Variants in RGS5 observed in about 807,000 individuals in gnomAD.
RGS5 encodes the protein regulator of G-protein signalling 5.
In RGS5, 20 loss-of-function variants were observed where a neutral mutation model predicts 18.9. The observed-to-expected ratio is 1.06, with a 90% CI of 0.74 to 1.54. RGS5 has a LOEUF of 1.54. Among genes scored for constraint, RGS5 ranks in the 40% most tolerant of loss-of-function variants. The pLI is 0.00. For synonymous variants in RGS5, 57 were observed against 76.2 expected (o/e 0.75, Z 1.31); for missense variants, 201 against 211.8 (o/e 0.95, Z 0.32).
intron 3 of RGS5, among the ~76,000 whole-genome samples, chr1:163,153,135 G>A (rs1310218721): frequency 6.6e-6 from 1 of 152,178 alleles, no homozygotes; most frequent in Non-Finnish European, 1.5e-5. Context: ...GTCTATGCAA[G>A]TAATGTTAAT....
chr1:163,142,946 G>A lies in RGS5; in HGVS notation c.*4396C>T, dbSNP rs1223624712. On this transcript the variant is annotated 3_prime_UTR_variant, in exon 5 of 5. Coordinates refer to ENST00000313961, the MANE Select transcript of RGS5 (RefSeq NM_003617.4). ...AAATAATAAGATGTATTATTAAAAC[G>A]TGAGTTGAGAATAATATTCCAAATG... 6.6e-6 allele frequency: 1 copy of A among 152,180 alleles called. No homozygotes were observed. Among genetic ancestry groups the A allele is most frequent in the Non-Finnish European group, 1.5e-5 (1 of 68,038 alleles). The allele number at this position is 152,180 out of a possible 1,614,324, so 9.4% of individuals were successfully genotyped here.
intron 2 of RGS5, among the ~76,000 whole-genome samples, chr1:163,297,442 T>A (rs1030005901): frequency 7.2e-5 from 11 of 152,196 alleles, no homozygotes; most frequent in Admixed American, 6.6e-4. Flanking sequence ...ATCTGCTTTT[T>A]ATTTTTGCTT....
At chr1:163,191,903 C>G (rs1185647419) in intron 1 of RGS5, among the ~76,000 whole-genome samples, 1 of 152,102 alleles carries the variant, frequency 6.6e-6, no homozygotes, top group Non-Finnish European at 1.5e-5. Context: ...ATCAAATATA[C>G]TAAGTAATGA....
chr1:163,222,661 A>G (rs1056227993), intron 2 of RGS5, among the ~76,000 whole-genome samples: 10 of 152,214 alleles, frequency 6.6e-5, no homozygotes, highest in Non-Finnish European at 1.0e-4. Flanking sequence ...TGACAGAGCA[A>G]CAGAGAAGAT....
chr1:163,302,124 T>C (rs565545736), intron 2 of RGS5, among the ~76,000 whole-genome samples: 1 of 152,132 alleles, frequency 6.6e-6, no homozygotes, highest in Non-Finnish European at 1.5e-5. Context: ...CTTCACCTGC[T>C]ACAATAAAAT....
intron 1 of RGS5, among the ~76,000 whole-genome samples, chr1:163,186,249 T>G (rs537112868): frequency 6.6e-6 from 1 of 151,924 alleles, no homozygotes; most frequent in South Asian, 2.1e-4. Flanking sequence ...TTTTGTATTT[T>G]TAGTAGAGAC....
At position 163,188,686 on chromosome 1, in the gene RGS5, G is replaced by A. The variant is rs140915946; in HGVS notation, c.44+14106C>T. On this transcript the variant is annotated intron_variant, in intron 1 of 4. Transcript: ENST00000313961. ...TAGAAAAAAGTTACTGTGGCTGGGC[G>A]TAGTGGCTCACGCCTGTAATCCCAG... Among the ~76,000 whole-genome samples the A allele has an allele frequency of 7.6e-3, 1,162 of 152,242 alleles. 13 individuals are homozygous for A. The highest frequency in any genetic ancestry group is 0.026 in the African/African-American group (1,094 of 41,548).
intron 1 of RGS5, among the ~76,000 whole-genome samples, chr1:163,190,867 G>C (rs1300095605): frequency 6.6e-6 from 1 of 152,154 alleles, no homozygotes; most frequent in African/African-American, 2.4e-5. Context: ...CCCATTAAAG[G>C]GATACCCACA....
upstream of RGS5, among the ~76,000 whole-genome samples, chr1:163,222,000 T>G (rs1342140971): frequency 6.6e-6 from 1 of 152,236 alleles, no homozygotes; most frequent in East Asian, 1.9e-4. Flanking sequence ...TGACCTTTAC[T>G]CAATTGGTCA....
intron 2 of RGS5, among the ~76,000 whole-genome samples, chr1:163,290,104 T>C (rs1649242981): frequency 6.6e-6 from 1 of 152,162 alleles, no homozygotes; most frequent in African/African-American, 2.4e-5. Flanking sequence ...TTGTACGCTA[T>C]GCAAACAGCA....
chr1:163,300,652 A>T (rs1649529846), intron 2 of RGS5: 1 of 152,154 alleles, frequency 6.6e-6, no homozygotes, highest in South Asian at 2.1e-4. Flanking sequence ...GTCTCATGGG[A>T]GATTCTGCTT....
Position 163,227,042 on chromosome 1 carries a change from T to G in RGS5, c.-280-58674A>C, listed in dbSNP as rs145978404. Reference sequence around the variant, plus strand: ...AGCATGGCCCAAGATATCACCATCTTTCACTTGAGTTAATGATTTAGCCTC... The same window carrying G: ...AGCATGGCCCAAGATATCACCATCTGTCACTTGAGTTAATGATTTAGCCTC... On this transcript the variant is annotated intron_variant, in intron 2 of 5. Coordinates refer to the RGS5 transcript ENST00000618415. 7.2e-5 allele frequency among the ~76,000 whole-genome samples: 11 copies of G among 152,340 alleles called. No homozygotes were observed. The East Asian group carries it at 1.9e-3, about 27-fold the overall frequency.
At chr1:163,212,101 C>T (rs1477511078) in intron 1 of RGS5, 1 of 152,196 alleles carries the variant, frequency 6.6e-6, no homozygotes, top group African/African-American at 2.4e-5. Context: ...AATTCCTACT[C>T]TCCTTCTTCA....
At chr1:163,260,126 GC>G (rs1648391019) in intron 2 of RGS5, 1 of 152,140 alleles carries the variant, frequency 6.6e-6, no homozygotes, top group Non-Finnish European at 1.5e-5. Flanking sequence ...CAAAGCCTAT[GC>G]TTTTTTCTCA....
At chr1:163,181,035 C>T (rs1658822762) in intron 1 of RGS5, among the ~76,000 whole-genome samples, 1 of 152,016 alleles carries the variant, frequency 6.6e-6, no homozygotes, top group Admixed American at 6.6e-5. Context: ...GTTCTCCATC[C>T]TTATAGTTTT....
chr1:163,288,532 C>G (rs1484163147), intron 2 of RGS5, among the ~76,000 whole-genome samples: 1 of 152,186 alleles, frequency 6.6e-6, no homozygotes, highest in Non-Finnish European at 1.5e-5. Flanking sequence ...ATTCAATTCT[C>G]TCCTTCAGCA....
chr1:163,198,422 C>G (rs189868973), intron 1 of RGS5, among the ~76,000 whole-genome samples: 277 of 152,152 alleles, frequency 1.8e-3, no homozygotes, highest in African/African-American at 6.3e-3. Flanking sequence ...GCACTGGTTC[C>G]TTTATATTAT....
chr1:163,184,400 CAAAA>C lies in RGS5; in HGVS notation c.45-16036_45-16033del, dbSNP rs34214775. ...AGCTTTCCTGACCACCCCATCCCTC[CAAAA>C]AAAAAAAAAAAAGGGAAGAACAATG... On this transcript the variant is annotated intron_variant, in intron 1 of 4. Coordinates refer to ENST00000313961, the MANE Select transcript of RGS5 (RefSeq NM_003617.4). Among the ~76,000 whole-genome samples, 798 of 105,046 alleles carry C rather than the reference CAAAA, an allele frequency of 7.6e-3. 8 individuals carry two copies. The highest frequency in any genetic ancestry group is 0.024 in the African/African-American group (759 of 31,060). The allele number at this position is 105,046 out of a possible 152,430, so 68.9% of individuals were successfully genotyped here. A position where few individuals can be genotyped will look rare whatever the true frequency, so the allele number is the denominator to read the frequency against.
chr1:163,212,927 T>C (rs1440247894), intron 1 of RGS5: 1 of 152,230 alleles, frequency 6.6e-6, no homozygotes, highest in Non-Finnish European at 1.5e-5. Context: ...TATCTGTGTC[T>C]TTATGAATTA....
Sources: gnomAD v4.1 joint callset for allele counts (sites outside exome capture counted in the v4.1 genomes callset) on GRCh38, gnomAD v4.1.1 for gene constraint, MANE v1.5 for transcripts, NCBI Gene and HGNC (gene_info 2026-07-23, HGNC 2026-07-21) for gene names.